The following TOP2B variants were observed in gnomAD, a reference collection of about 807,000 sequenced individuals.
The protein encoded by TOP2B is DNA topoisomerase II beta, also known as DNA topoisomerase 2-beta.
Under a neutral mutation model 193.5 loss-of-function variants are expected in TOP2B, and 51 were observed. The ratio of observed to expected loss-of-function variants is 0.26; its 90% CI spans 0.21 to 0.33. The LOEUF (loss-of-function observed/expected upper bound fraction) is 0.33. Among genes scored for constraint, TOP2B ranks in the 10% least tolerant of loss-of-function variants. TOP2B has a pLI of 1.00. For missense variants in TOP2B, 1,378 were observed against 1,909.3 expected (o/e 0.72, Z 5.19); for synonymous variants, 634 against 635.7 (o/e 1.00, Z 0.04).
intron 21 of TOP2B, 38 bp from the exon 22 acceptor site, chr3:25,620,854 T>A (rs777907423): frequency 6.2e-7 from 1 of 1,602,030 alleles, no homozygotes; most frequent in African/African-American, 1.3e-5. Context: ...ACTTCTCTCT[T>A]GAGTACCAGT....
chr3:25,640,575 C>A (rs932524677), intron 4 of TOP2B, among the ~76,000 whole-genome samples: 1 of 151,970 alleles, frequency 6.6e-6, no homozygotes, highest in Admixed American at 6.6e-5. Context: ...CTTCTGCCTA[C>A]ACAAAAATGT....
At chr3:25,628,353 T>G (rs1050323782) in intron 15 of TOP2B, among the ~76,000 whole-genome samples, 3 of 137,124 alleles carry the variant, frequency 2.2e-5, no homozygotes, top group African/African-American at 8.7e-5. Context: ...CACACACCTG[T>G]AGTCCCAGCT....
rs1703168179 is a variant in TOP2B, at chr3:25,638,395, T to G, written c.396-85A>C. On this transcript the variant is annotated intron_variant, in intron 4 of 35. Coordinates refer to ENST00000264331, the MANE Select transcript of TOP2B (RefSeq NM_001330700.2). ...AAATAGTAAAGATAAATTAATTCAT[T>G]AAAAAGTAATCTAGAATAAACCTTA... 4 of 1,322,100 alleles carry G rather than the reference T, an allele frequency of 3.0e-6. No homozygotes were observed. In the South Asian group the frequency reaches 7.6e-5, roughly 25 times the overall value. The allele number at this position is 1,322,100 out of a possible 1,614,324, so 81.9% of individuals were successfully genotyped here.
rs375477555 is a variant in TOP2B at position 25,601,219 on chromosome 3, G to A, written c.4496C>T (p.Pro1499Leu). 1.8e-5 allele frequency: 29 copies of A among 1,611,648 alleles called. No individual in the cohort carries two copies. The highest frequency in any genetic ancestry group is 2.7e-5 in the African/African-American group (2 of 74,806). ...GGGCTTAGGGACTGTATCTGAAGAC[G>A]GTTTTCCTAGTAAGCAAATTTCCAT... ...SKTVAAKKGK[P>L]SSDTVPKPKR... is the part of the protein sequence containing the mutation. The change falls in exon 34 of 36, where the codon CCG becomes CTG. Residue 1499 changes from proline (P) to leucine (L), a missense_variant. By Grantham distance (98) the Pro-to-Leu change is moderately conservative. Around this residue, in one of 9 missense-constraint regions of TOP2B, gnomAD observed 556 missense variants for 584.2 expected, o/e 0.95. Transcript: ENST00000264331.
At chr3:25,605,930 C>A in intron 32 of TOP2B, 113 bp downstream of exon 32, 1 of 534,014 alleles carries the variant, frequency 1.9e-6, no homozygotes, top group Non-Finnish European at 3.1e-6. Flanking sequence ...AGGAAGTTTT[C>A]TACTCATTAA....
chr3:25,608,772 A>G (rs1702296379), intron 30 of TOP2B, among the ~76,000 whole-genome samples: 1 of 152,174 alleles, frequency 6.6e-6, no homozygotes, highest in African/African-American at 2.4e-5. Flanking sequence ...CACAACTATC[A>G]TTATCTAAAA....
chr3:25,639,598 G>A (rs937605756), intron 4 of TOP2B, among the ~76,000 whole-genome samples: 2 of 152,170 alleles, frequency 1.3e-5, no homozygotes, highest in Admixed American at 6.5e-5. Context: ...GAGCCACCGC[G>A]CCCAGCCTCC....
intron 1 of TOP2B, among the ~76,000 whole-genome samples, chr3:25,647,802 T>C (rs907464848): frequency 1.1e-4 from 17 of 152,162 alleles, no homozygotes; most frequent in African/African-American, 4.1e-4. Context: ...GACTTACCAT[T>C]CTTGCTAAGA....
chr3:25,664,042 A>G (rs1704003185), intron 1 of TOP2B, among the ~76,000 whole-genome samples, 187 bp downstream of exon 1: 1 of 152,190 alleles, frequency 6.6e-6, no homozygotes, highest in Admixed American at 6.5e-5. Context: ...CCAGAGACGT[A>G]CAGAGAAAGA....
intron 1 of TOP2B, among the ~76,000 whole-genome samples, chr3:25,661,408 T>A (rs1703906596): frequency 6.6e-6 from 1 of 152,236 alleles, no homozygotes; most frequent in Admixed American, 6.5e-5. Flanking sequence ...TTTTTTAATC[T>A]ACCAAGTTAG....
At chr3:25,627,533 G>A (rs895196691) in intron 15 of TOP2B, among the ~76,000 whole-genome samples, 6 of 152,162 alleles carry the variant, frequency 3.9e-5, no homozygotes, top group Middle Eastern at 3.4e-3. Flanking sequence ...ATCTGATCAC[G>A]CCTCTGATTT....
At chr3:25,642,500 T>C (rs1248320821) in intron 3 of TOP2B, 115 bp from the exon 4 acceptor site, 2 of 513,546 alleles carry the variant, frequency 3.9e-6, no homozygotes, top group Non-Finnish European at 6.7e-6. Flanking sequence ...TAATAGTTAA[T>C]GAAAATAATT....
At chr3:25,641,257 T>A (rs1348441859) in intron 4 of TOP2B, among the ~76,000 whole-genome samples, 1 of 152,202 alleles carries the variant, frequency 6.6e-6, no homozygotes, top group Admixed American at 6.5e-5. Flanking sequence ...GTCCTTTCTT[T>A]CTTAGTTTTA....
rs373490528 is a variant in TOP2B at position 25,623,709 on chromosome 3, T to G, written c.2533A>C (p.Asn845His). The G allele has an allele frequency of 1.9e-6, 3 of 1,613,734 alleles. No individual in the cohort carries two copies. Among genetic ancestry groups the G allele is most frequent in the Non-Finnish European group, 2.5e-6 (3 of 1,179,736 alleles). The change falls in exon 21 of 36, where the codon AAC becomes CAC. Residue 845 changes from asparagine to histidine, a missense_variant. Asn to His is a moderately conservative substitution (Grantham distance 68). This residue lies in a region of TOP2B where 379 missense variants were observed against 615.1 expected (regional missense o/e 0.62). Transcript: ENST00000264331. ...TCATCATAAAGGAACTTAAGGAGGTTGTCATCCACAGCAGGAAAAAGTAGC... is the reference window on the plus strand; with the variant it reads ...TCATCATAAAGGAACTTAAGGAGGTGGTCATCCACAGCAGGAAAAAGTAGC... ...ARLLFPAVDD[N>H]LLKFLYDDNQ...
rs372987117 is a variant in TOP2B at position 25,601,196 on chromosome 3, G to A, written c.4519C>T (p.Pro1507Ser). 4.3e-6 allele frequency: 7 copies of A among 1,613,524 alleles called. No individual in the cohort carries two copies. The highest frequency in any genetic ancestry group is 2.7e-5 in the African/African-American group (2 of 74,906). ...GKPSSDTVPK[P>S]KRAPKQKKVV... ...TTCTTCTGTTTTGGGGCTCTCTTGG[G>A]CTTAGGGACTGTATCTGAAGACGGT... Residue 1507 changes from proline to serine, a missense_variant, in exon 34 of 36, where the codon CCC (proline) becomes TCC (serine). Coordinates refer to ENST00000264331, the MANE Select transcript of TOP2B (RefSeq NM_001330700.2).
At chr3:25,655,709 T>C (rs957835224) in intron 1 of TOP2B, among the ~76,000 whole-genome samples, 2 of 152,174 alleles carry the variant, frequency 1.3e-5, no homozygotes, top group South Asian at 2.1e-4. Context: ...TCAAAAAACA[T>C]GGAAATCTTG....
At chr3:25,617,934 G>C (rs1702548490) in intron 25 of TOP2B, among the ~76,000 whole-genome samples, 1 of 152,156 alleles carries the variant, frequency 6.6e-6, no homozygotes, top group Non-Finnish European at 1.5e-5. Flanking sequence ...GCATGAGGCA[G>C]AGCTTGGTGT....
At chr3:25,650,822 T>TA (rs2125403192) in intron 1 of TOP2B, among the ~76,000 whole-genome samples, 1 of 152,358 alleles carries the variant, frequency 6.6e-6, no homozygotes, top group African/African-American at 2.4e-5. Flanking sequence ...ACTGCTCATT[T>TA]ATTTGAGGCA....
chr3:25,645,438 T>G lies in TOP2B; in HGVS notation c.102A>C (p.Lys34Asn), dbSNP rs772611515. 8.2e-5 allele frequency: 133 copies of G among 1,612,758 alleles called. No homozygotes were observed. The highest frequency in any genetic ancestry group is 1.1e-4 in the Non-Finnish European group (127 of 1,179,438). Residue 34 changes from lysine to asparagine, a missense_variant, in exon 2 of 36, where the codon AAA becomes AAC. Transcript: ENST00000264331. ...TTTTGTTGGCAGTTTCTGACTCTTCTTTTTTTGCAGCATTGTTCTGATCAA... is the reference window on the plus strand; with the variant it reads ...TTTTGTTGGCAGTTTCTGACTCTTCGTTTTTTGCAGCATTGTTCTGATCAA... ...TLFDQNNAAK[K>N]EESETANKND...
Sources: allele counts gnomAD v4.1 joint callset (sites outside exome capture counted in the v4.1 genomes callset), GRCh38; gene constraint gnomAD v4.1.1; regional missense constraint gnomAD v4.1.1; transcripts MANE v1.5; gene names NCBI Gene and HGNC (gene_info 2026-07-23, HGNC 2026-07-21).